Variants in SV2B observed in about 807,000 individuals in gnomAD.
SV2B encodes solute carrier family 22 member B2.
SV2B carries 41 observed loss-of-function variants against 73.9 expected under a neutral mutation model. That is an observed-to-expected ratio of 0.56 (90% CI 0.43 to 0.72). SV2B has a LOEUF of 0.72. SV2B is among the 30% of genes least tolerant of loss of function. The probability of loss-of-function intolerance (pLI) is 0.00; values close to 1 mark genes in which losing one functional copy is unlikely to be tolerated. For synonymous variants in SV2B, 314 were observed against 314.2 expected (o/e 1.00, Z 0.01); for missense variants, 764 against 857.8 (o/e 0.89, Z 1.37).
In SV2B at chr15:91,252,128, T is replaced by C; in HGVS notation, c.632+129T>C. On this transcript the variant is annotated intron_variant, in intron 3 of 12. Transcript: ENST00000394232. This position sits in a 1 kb window ranked among gnomAD's most constrained non-coding sequence, Gnocchi z 4.6. ...AGTTTTTGTTTGACTTTCAGGATAC[T>C]ATATTAAAGTTGAACCTTAGAAAGA... 1.6e-6 allele frequency: 2 copies of C among 1,285,320 alleles called. No homozygotes were observed. The highest frequency in any genetic ancestry group is 2.1e-6 in the Non-Finnish European group (2 of 943,064). The allele number at this position is 1,285,320 out of a possible 1,614,324, so 79.6% of individuals were successfully genotyped here.
At chr15:91,222,473 C>T (rs575418720) in intron 1 of SV2B, among the ~76,000 whole-genome samples, 2 of 151,906 alleles carry the variant, frequency 1.3e-5, no homozygotes, top group East Asian at 3.9e-4. Context: ...GGTAGATCTT[C>T]TGAGAATGGG....
chr15:91,215,577 T>C (rs1258685223), intron 1 of SV2B, among the ~76,000 whole-genome samples: 2 of 152,230 alleles, frequency 1.3e-5, no homozygotes, highest in African/African-American at 4.8e-5. Context: ...ATTTGCATAG[T>C]ATAAATACAT....
rs916211463 is a variant in SV2B at position 91,223,529 on chromosome 15, T to G, written c.-391-2344T>G. Among the ~76,000 whole-genome samples, 1 of 152,146 alleles carries G rather than the reference T, an allele frequency of 6.6e-6. No homozygotes were observed. The highest frequency in any genetic ancestry group is 1.5e-5 in the Non-Finnish European group (1 of 68,028). On this transcript the variant is annotated intron_variant, in intron 1 of 12. Transcript: ENST00000394232. The surrounding 1 kb of genome is among the most constrained non-coding windows in gnomAD (Gnocchi z 4.6). ...GTGAGTCCCACAAGTGCTTTTGGAATTGCAAGTCTATCATTTCTGGTTCAC... is the reference window on the plus strand; with the variant it reads ...GTGAGTCCCACAAGTGCTTTTGGAAGTGCAAGTCTATCATTTCTGGTTCAC...
rs910487250 is a variant in SV2B, at chr15:91,121,760, A to G, written c.-392+21397A>G. On this transcript the variant is annotated intron_variant, in intron 1 of 12. Coordinates refer to ENST00000394232, the MANE Select transcript of SV2B (RefSeq NM_001323032.3). This position sits in a 1 kb window ranked among gnomAD's most constrained non-coding sequence, Gnocchi z 4.4. ...TCGCGCTCACCTCAAGAAACCATCT[A>G]TTTATATATTAATAGTGTTTTTTTT... Among the ~76,000 whole-genome samples the G allele has an allele frequency of 1.3e-5, 2 of 149,928 alleles. No homozygotes were observed. Among genetic ancestry groups the G allele is most frequent in the African/African-American group, 2.5e-5 (1 of 40,498 alleles).
At chr15:91,257,549 T>C (rs538096655) in intron 4 of SV2B, among the ~76,000 whole-genome samples, 6 of 152,332 alleles carry the variant, frequency 3.9e-5, no homozygotes, top group East Asian at 1.9e-4. Flanking sequence ...ATGGGATGCA[T>C]TGGAATGTAG....
intron 1 of SV2B, among the ~76,000 whole-genome samples, chr15:91,169,441 C>A (rs1308579227): frequency 6.6e-6 from 1 of 151,346 alleles, no homozygotes; most frequent in Non-Finnish European, 1.5e-5. Flanking sequence ...CACCCCCACC[C>A]TGTTTTGTAG....
intron 12 of SV2B, 115 bp from the exon 13 acceptor site, chr15:91,292,254 G>T: frequency 2.1e-6 from 2 of 959,538 alleles, no homozygotes; most frequent in African/African-American, 1.7e-5. Context: ...TTTATATTTA[G>T]GAAAAAAAAC....
In SV2B at chr15:91,124,990, T is replaced by G. The variant is rs2042434796; in HGVS notation, c.-392+24627T>G. On this transcript the variant is annotated intron_variant, in intron 1 of 12. Coordinates refer to ENST00000394232, the MANE Select transcript of SV2B (RefSeq NM_001323032.3). The surrounding 1 kb of genome is among the most constrained non-coding windows in gnomAD (Gnocchi z 4.6). The stretch of plus-strand genomic sequence containing the variant: ...TTCTGGTGGTTTTGAAGGCTGGAAG[T>G]CCAAGGTCAGGGTGTGGTCAGTGTT... Among the ~76,000 whole-genome samples the G allele has an allele frequency of 6.6e-6, 1 of 152,164 alleles. No individual in the cohort carries two copies. The highest frequency in any genetic ancestry group is 1.5e-5 in the Non-Finnish European group (1 of 68,022).
At chr15:91,127,617 C>A (rs887088741) in intron 1 of SV2B, among the ~76,000 whole-genome samples, 2 of 152,076 alleles carry the variant, frequency 1.3e-5, no homozygotes, top group African/African-American at 4.8e-5. Context: ...AAGAAATACT[C>A]CAGAGGCATG....
Position 91,124,107 on chromosome 15 carries a change from G to C in SV2B, c.-392+23744G>C, listed in dbSNP as rs1170196580. ...ATCATCCTGGGTAAACACCAAGGTG[G>C]GCAAACTGTGTTTTGGCTTGCTGGT... On this transcript the variant is annotated intron_variant, in intron 1 of 12. Coordinates refer to ENST00000394232, the MANE Select transcript of SV2B (RefSeq NM_001323032.3). The surrounding 1 kb of genome is among the most constrained non-coding windows in gnomAD (Gnocchi z 4.6). 1.3e-5 allele frequency among the ~76,000 whole-genome samples: 2 copies of C among 152,092 alleles called. No individual in the cohort carries two copies. Among genetic ancestry groups the C allele is most frequent in the African/African-American group, 2.4e-5 (1 of 41,412 alleles).
At chr15:91,143,875 G>T (rs529346128) in intron 1 of SV2B, among the ~76,000 whole-genome samples, 63 of 152,298 alleles carry the variant, frequency 4.1e-4, no homozygotes, top group Admixed American at 2.6e-3. Flanking sequence ...GAGCTGCACT[G>T]TTTTTTTCTA....
In SV2B at chr15:91,232,948, A is replaced by G. The variant is rs537603909; in HGVS notation, c.451+6234A>G. Among the ~76,000 whole-genome samples, 78 of 152,334 alleles carry G rather than the reference A, an allele frequency of 5.1e-4. 2 individuals are homozygous for G. The highest frequency in any genetic ancestry group is 1.8e-3 in the African/African-American group (74 of 41,586). ...ATTTAGCGCTCGCTTATAAGTGAGAACATGCAGTGTTTAGTTTTCTACTCC... is the reference window on the plus strand; with the variant it reads ...ATTTAGCGCTCGCTTATAAGTGAGAGCATGCAGTGTTTAGTTTTCTACTCC... On this transcript the variant is annotated intron_variant, in intron 2 of 12. Coordinates refer to ENST00000394232, the MANE Select transcript of SV2B (RefSeq NM_001323032.3). This position sits in a 1 kb window ranked among gnomAD's most constrained non-coding sequence, Gnocchi z 4.7.
chr15:91,127,892 C>A (rs980644531), intron 1 of SV2B, among the ~76,000 whole-genome samples: 3 of 152,164 alleles, frequency 2.0e-5, no homozygotes, highest in Admixed American at 2.0e-4. Flanking sequence ...GTTCTTTGAG[C>A]TTTTCTTTTC....
intron 1 of SV2B, among the ~76,000 whole-genome samples, chr15:91,152,447 T>A (rs967773855): frequency 1.3e-5 from 2 of 152,184 alleles, no homozygotes; most frequent in African/African-American, 2.4e-5. Context: ...ACTTTCCTGA[T>A]CTTTTTCCAT....
chr15:91,237,970 G>A (rs2046856712), intron 2 of SV2B, among the ~76,000 whole-genome samples: 1 of 152,164 alleles, frequency 6.6e-6, no homozygotes, highest in South Asian at 2.1e-4. Context: ...TGAGGGGAGT[G>A]TTGCTCAGAG....
At chr15:91,175,286 G>T (rs1008899643) in intron 1 of SV2B, among the ~76,000 whole-genome samples, 1 of 150,608 alleles carries the variant, frequency 6.6e-6, no homozygotes, top group African/African-American at 2.4e-5. Flanking sequence ...ATGGAGTCTC[G>T]CTGTGTAGCC....
intron 1 of SV2B, among the ~76,000 whole-genome samples, chr15:91,206,942 A>G (rs532906114): frequency 1.3e-5 from 2 of 152,256 alleles, no homozygotes; most frequent in South Asian, 4.1e-4. Context: ...AAGTATATGC[A>G]TTTTCCAGAG....
At chr15:91,112,467 C>T (rs1055420778) in intron 1 of SV2B, among the ~76,000 whole-genome samples, 1 of 152,164 alleles carries the variant, frequency 6.6e-6, no homozygotes, top group East Asian at 1.9e-4. Flanking sequence ...CTTGGAAATG[C>T]TCTGAGGCAC....
Position 91,110,146 on chromosome 15 carries a change from C to A in SV2B, c.-392+9783C>A, listed in dbSNP as rs541972527. On this transcript the variant is annotated intron_variant, in intron 1 of 12. Transcript: ENST00000394232. This position sits in a 1 kb window ranked among gnomAD's most constrained non-coding sequence, Gnocchi z 5.4. ...CCATTAACGTGTTCTGTTCCTTCTT[C>A]TTAGCAGTGTTCATTTGCATGTTTC... Among the ~76,000 whole-genome samples the A allele has an allele frequency of 2.0e-5, 3 of 152,150 alleles. No homozygotes were observed. The highest frequency in any genetic ancestry group is 4.4e-5 in the Non-Finnish European group (3 of 68,030).
Sources: allele counts gnomAD v4.1 joint callset (sites outside exome capture counted in the v4.1 genomes callset), GRCh38; gene constraint gnomAD v4.1.1; non-coding constraint Gnocchi (gnomAD v3.1); transcripts MANE v1.5; gene names NCBI Gene and HGNC (gene_info 2026-07-23, HGNC 2026-07-21).